Variants in ROBO1 observed in about 807,000 individuals in gnomAD.
ROBO1 encodes roundabout guidance receptor 1.
ROBO1 carries 149 observed loss-of-function variants against 195.9 expected under a neutral mutation model. That is an observed-to-expected ratio of 0.76 (90% CI 0.67 to 0.87). The LOEUF (loss-of-function observed/expected upper bound fraction) is 0.87, where lower values mean the gene tolerates loss of function less well. ROBO1 is among the 40% of genes least tolerant of loss of function. The pLI is 0.00. For missense variants in ROBO1, 1,933 were observed against 2,068.3 expected, an observed-to-expected ratio of 0.93 and a Z score of 1.27; for synonymous variants, 816 against 733.2, an observed-to-expected ratio of 1.11 and a Z score of -1.82.
intron 2 of ROBO1, among the ~76,000 whole-genome samples, chr3:79,511,658 A>T (rs1320616659): frequency 6.6e-6 from 1 of 152,164 alleles, no homozygotes; most frequent in Non-Finnish European, 1.5e-5. Flanking sequence ...AGAAGCTAGA[A>T]GGAAATCAAC....
chr3:78,898,473 C>T (rs1168585138), intron 4 of ROBO1, among the ~76,000 whole-genome samples: 3 of 149,314 alleles, frequency 2.0e-5, no homozygotes, highest in Non-Finnish European at 3.0e-5. Flanking sequence ...CTGCAACCTC[C>T]GTCTCCTGGG....
At chr3:79,743,774 C>T (rs1217566785) in intron 1 of ROBO1, among the ~76,000 whole-genome samples, 5 of 152,074 alleles carry the variant, frequency 3.3e-5, no homozygotes, top group Non-Finnish European at 7.4e-5. Context: ...AAAAGTAAGA[C>T]ATGAACACAC....
intron 3 of ROBO1, among the ~76,000 whole-genome samples, chr3:78,947,883 T>C (rs1207698437): frequency 6.6e-6 from 1 of 152,126 alleles, no homozygotes; most frequent in African/African-American, 2.4e-5. Flanking sequence ...CATCAGAGAA[T>C]ACTATAAACA....
intron 4 of ROBO1, 21 bp from the exon 5 acceptor site, chr3:78,746,921 C>T (rs781325896): frequency 6.7e-7 from 1 of 1,494,818 alleles, no homozygotes; most frequent in Non-Finnish European, 9.0e-7. Context: ...AAGATTAAAT[C>T]ATTATACCCA....
intron 4 of ROBO1, among the ~76,000 whole-genome samples, chr3:78,903,825 G>T (rs1196406294): frequency 6.6e-6 from 1 of 151,718 alleles, no homozygotes; most frequent in Non-Finnish European, 1.5e-5. Flanking sequence ...AATCTCTTAG[G>T]CTGCATAATA....
rs569723093 is a variant in ROBO1, at chr3:78,597,456, CTTT to C, written c.*1454_*1456del. Reference sequence around the variant, plus strand: ...AAGTTTGGTTTTGGTGAACACCAGCCTTTTTTTTTGTGGTTCAGTTTTGTTTGG... The same window carrying C: ...AAGTTTGGTTTTGGTGAACACCAGCCTTTTTTGTGGTTCAGTTTTGTTTGG... On this transcript the variant is annotated 3_prime_UTR_variant, in exon 31 of 31. Transcript: ENST00000464233. 6.6e-6 allele frequency: 1 copy of C among 151,244 alleles called. No homozygotes were observed. Among genetic ancestry groups the C allele is most frequent in the East Asian group, 1.9e-4 (1 of 5,158 alleles). 9.4% of individuals were successfully genotyped at this position (151,244 alleles called of 1,614,324 possible).
intron 2 of ROBO1, among the ~76,000 whole-genome samples, chr3:79,349,897 T>G (rs1437727499): frequency 6.6e-6 from 1 of 152,140 alleles, no homozygotes. Context: ...TTACCATAGA[T>G]TCCTATATAT....
chr3:79,527,900 T>G (rs750341422), intron 2 of ROBO1: 1 of 152,416 alleles, frequency 6.6e-6, no homozygotes, highest in African/African-American at 2.4e-5. Context: ...GGAATGGAGA[T>G]GTAGCAGATA....
At chr3:79,103,652 G>T (rs1576676786) in intron 3 of ROBO1, among the ~76,000 whole-genome samples, 1 of 151,546 alleles carries the variant, frequency 6.6e-6, no homozygotes, top group Non-Finnish European at 1.5e-5. Flanking sequence ...AATATCTAAG[G>T]TTATTAAATA....
At chr3:78,975,283 A>G (rs1052420881) in intron 3 of ROBO1, among the ~76,000 whole-genome samples, 4 of 152,194 alleles carry the variant, frequency 2.6e-5, no homozygotes, top group African/African-American at 9.6e-5. Flanking sequence ...AGCTCTGAAT[A>G]TATCATAGCA....
chr3:79,540,204 G>T (rs4504143), intron 2 of ROBO1, among the ~76,000 whole-genome samples: 86,821 of 151,818 alleles, frequency 0.57, 24,955 homozygotes, highest in Non-Finnish European at 0.6. Context: ...CATCATATAA[G>T]ATCATGGAAC....
intron 1 of ROBO1, among the ~76,000 whole-genome samples, chr3:79,727,134 C>A (rs1702957833): frequency 6.6e-6 from 1 of 152,180 alleles, no homozygotes; most frequent in East Asian, 1.9e-4. Flanking sequence ...ATGGGAAGAA[C>A]TCAGTGTCCA....
intron 3 of ROBO1, among the ~76,000 whole-genome samples, chr3:79,066,562 C>A (rs918927264): frequency 3.3e-5 from 5 of 151,850 alleles, no homozygotes; most frequent in Admixed American, 6.6e-5. Flanking sequence ...GATAACAAAA[C>A]TGCCAGAGTA....
chr3:79,580,204 G>C (rs141538093), intron 2 of ROBO1, among the ~76,000 whole-genome samples: 1 of 152,128 alleles, frequency 6.6e-6, no homozygotes, highest in African/African-American at 2.4e-5. Flanking sequence ...AGGCTCAGTG[G>C]CTCATGCCTG....
At chr3:78,714,570 G>A (rs565116914) in intron 7 of ROBO1, 46 bp from the exon 8 acceptor site, 1 of 1,562,948 alleles carries the variant, frequency 6.4e-7, no homozygotes, top group Non-Finnish European at 8.7e-7. Flanking sequence ...CTTTCTACTT[G>A]AAAGATCTCA....
intron 1 of ROBO1, among the ~76,000 whole-genome samples, chr3:79,746,968 T>G (rs1265393798): frequency 6.6e-6 from 1 of 152,080 alleles, no homozygotes; most frequent in African/African-American, 2.4e-5. Context: ...CTTTGCTAAA[T>G]AAGAAAGCTG....
At chr3:79,612,227 T>A (rs1185630779) in intron 1 of ROBO1, among the ~76,000 whole-genome samples, 2 of 148,426 alleles carry the variant, frequency 1.3e-5, no homozygotes, top group Non-Finnish European at 3.0e-5. Context: ...CCCCTTTCTG[T>A]GTCCATGTGA....
intron 2 of ROBO1, among the ~76,000 whole-genome samples, chr3:79,515,043 A>G (rs370740356): frequency 6.6e-6 from 1 of 152,166 alleles, no homozygotes; most frequent in African/African-American, 2.4e-5. Flanking sequence ...TTTGGTTGCA[A>G]AAGAGGTTGG....
chr3:79,171,375 T>G (rs2081162144), intron 2 of ROBO1, among the ~76,000 whole-genome samples: 1 of 140,920 alleles, frequency 7.1e-6, no homozygotes, highest in African/African-American at 2.7e-5. Flanking sequence ...GATGTCACAT[T>G]AGTAGCCATG....
Sources: allele counts gnomAD v4.1 joint callset (sites outside exome capture counted in the v4.1 genomes callset), GRCh38; gene constraint gnomAD v4.1.1; transcripts MANE v1.5; gene names NCBI Gene and HGNC (gene_info 2026-07-23, HGNC 2026-07-21).